NELL1: variants seen among roughly 807,000 people sequenced by gnomAD.
NELL1 encodes protein kinase C-binding protein NELL1.
In NELL1, 76 loss-of-function variants were observed where a neutral mutation model predicts 107.4. The observed-to-expected ratio is 0.71, with a 90% CI of 0.59 to 0.86. The LOEUF (loss-of-function observed/expected upper bound fraction) is 0.86. NELL1 is among the 40% of genes least tolerant of loss of function. The pLI is 0.00. For synonymous variants in NELL1, 353 were observed against 341.2 expected (o/e 1.03, Z -0.38); for missense variants, 1,024 against 1,005.5 (o/e 1.02, Z -0.25).
At chr11:20,767,067 C>T (rs1172097023) in intron 2 of NELL1, among the ~76,000 whole-genome samples, 1 of 152,102 alleles carries the variant, frequency 6.6e-6, no homozygotes, top group Non-Finnish European at 1.5e-5. Flanking sequence ...TGATCAATCA[C>T]GATAGTCTGT....
At chr11:21,243,336 A>G (rs957639059) in intron 14 of NELL1, among the ~76,000 whole-genome samples, 40 of 152,254 alleles carry the variant, frequency 2.6e-4, no homozygotes, top group African/African-American at 9.4e-4. Context: ...TTTCTGAAGC[A>G]TAGGCCGTTT....
intron 15 of NELL1, among the ~76,000 whole-genome samples, chr11:21,411,770 G>A (rs1852382818): frequency 6.6e-6 from 1 of 152,086 alleles, no homozygotes; most frequent in African/African-American, 2.4e-5. Context: ...CAGGTGAGGT[G>A]AATGATTCAG....
chr11:21,384,938 C>T (rs1040259388), intron 15 of NELL1, among the ~76,000 whole-genome samples: 3 of 149,324 alleles, frequency 2.0e-5, no homozygotes, highest in African/African-American at 7.7e-5. Context: ...TATTTTATTA[C>T]AATTTTTTAA....
At chr11:21,208,556 C>T (rs939454673) in intron 13 of NELL1, among the ~76,000 whole-genome samples, 37 of 152,010 alleles carry the variant, frequency 2.4e-4, no homozygotes, top group African/African-American at 8.7e-4. Flanking sequence ...GCTATTTCCC[C>T]TCTACCCCTC....
chr11:21,461,528 A>G (rs1853899817), intron 15 of NELL1, among the ~76,000 whole-genome samples: 1 of 152,080 alleles, frequency 6.6e-6, no homozygotes, highest in African/African-American at 2.4e-5. Context: ...TTCCCCTCCC[A>G]TTGTTGGTCG....
intron 13 of NELL1, among the ~76,000 whole-genome samples, chr11:21,168,686 C>A (rs1856537384): frequency 6.6e-6 from 1 of 151,858 alleles, no homozygotes; most frequent in African/African-American, 2.4e-5. Flanking sequence ...CTCCTAAAAT[C>A]TCTGAGTTAC....
At chr11:20,967,157 T>C (rs1383096916) in intron 12 of NELL1, among the ~76,000 whole-genome samples, 1 of 152,136 alleles carries the variant, frequency 6.6e-6, no homozygotes, top group Non-Finnish European at 1.5e-5. Context: ...TAGGCATTGA[T>C]TAGGTTTTCA....
At chr11:20,904,810 T>A (rs1219795920) in intron 5 of NELL1, among the ~76,000 whole-genome samples, 1 of 151,866 alleles carries the variant, frequency 6.6e-6, no homozygotes, top group Non-Finnish European at 1.5e-5. Flanking sequence ...AAATTTTTTT[T>A]TAAGTTTTTT....
Position 20,900,179 on chromosome 11 carries a change from C to G in NELL1, c.603+14639C>G, listed in dbSNP as rs575482752. 2.1e-4 allele frequency among the ~76,000 whole-genome samples: 32 copies of G among 152,260 alleles called. No individual in the cohort carries two copies. In the South Asian group the frequency reaches 3.3e-3, roughly 16 times the overall value. On this transcript the variant is annotated intron_variant, in intron 5 of 19. Transcript: ENST00000357134. ...AATGGCCTTAGCTGGTATGGCTCATCTCTGCTTCATGTGGCCTCTCGATTT... is the reference window on the plus strand; with the variant it reads ...AATGGCCTTAGCTGGTATGGCTCATGTCTGCTTCATGTGGCCTCTCGATTT...
rs542349627 is a variant in NELL1 at position 21,121,294 on chromosome 11, G to T, written c.1426+7580G>T. On this transcript the variant is annotated intron_variant, in intron 13 of 19. Transcript: ENST00000357134. ...TGGTGGTGAGAAATGTGGAGTTCAG[G>T]AAGTCATGAAGCAGGGACTTGGATG... Among the ~76,000 whole-genome samples the T allele has an allele frequency of 2.6e-5, 4 of 152,234 alleles. No homozygotes were observed. In the East Asian group the frequency reaches 5.8e-4, roughly 22 times the overall value.
intron 12 of NELL1, among the ~76,000 whole-genome samples, chr11:20,963,748 T>C (rs1851335610): frequency 6.6e-6 from 1 of 152,130 alleles, no homozygotes; most frequent in African/African-American, 2.4e-5. Context: ...AAGCAAGTTA[T>C]TTTTACTCTG....
At chr11:20,877,780 G>C (rs559237233) in intron 4 of NELL1, among the ~76,000 whole-genome samples, 6 of 152,142 alleles carry the variant, frequency 3.9e-5, no homozygotes, top group Non-Finnish European at 5.9e-5. Context: ...TATTAGAAAT[G>C]AGACACTTAC....
intron 12 of NELL1, among the ~76,000 whole-genome samples, chr11:21,010,205 C>G (rs1198305446): frequency 6.6e-6 from 1 of 152,072 alleles, no homozygotes; most frequent in African/African-American, 2.4e-5. Context: ...TCACTCCTCC[C>G]TATTCCTCCC....
intron 14 of NELL1, among the ~76,000 whole-genome samples, chr11:21,239,772 A>G (rs909690188): frequency 3.3e-5 from 5 of 152,048 alleles, no homozygotes; most frequent in African/African-American, 1.2e-4. Context: ...TCTTGAATCA[A>G]GTGAACCAAG....
chr11:20,700,213 T>G (rs1914979), intron 2 of NELL1, among the ~76,000 whole-genome samples: 29,114 of 152,100 alleles, frequency 0.19, 3,090 homozygotes, highest in African/African-American at 0.25. Flanking sequence ...GGGTGCAGTG[T>G]CTCATGTCTG....
At chr11:20,740,077 C>T (rs1334901636) in intron 2 of NELL1, among the ~76,000 whole-genome samples, 1 of 152,192 alleles carries the variant, frequency 6.6e-6, no homozygotes, top group Non-Finnish European at 1.5e-5. Context: ...ATTTACATTT[C>T]AGTGAGGGAA....
intron 10 of NELL1, among the ~76,000 whole-genome samples, chr11:20,944,964 C>T (rs2134195506): frequency 6.6e-6 from 1 of 151,888 alleles, no homozygotes; most frequent in Non-Finnish European, 1.5e-5. Flanking sequence ...TTTGTTTTTA[C>T]AAAAATATAT....
chr11:21,247,035 A>T (rs1456710030), intron 14 of NELL1, among the ~76,000 whole-genome samples: 1 of 152,166 alleles, frequency 6.6e-6, no homozygotes, highest in Non-Finnish European at 1.5e-5. Context: ...AACCATATCA[A>T]TATCTAAACA....
At chr11:21,518,798 T>C (rs1319789499) in intron 15 of NELL1, among the ~76,000 whole-genome samples, 1 of 152,208 alleles carries the variant, frequency 6.6e-6, no homozygotes, top group African/African-American at 2.4e-5. Flanking sequence ...ATATGTTGCC[T>C]TATGGAAATT....
Sources: allele counts gnomAD v4.1 joint callset (sites outside exome capture counted in the v4.1 genomes callset), GRCh38; gene constraint gnomAD v4.1.1; transcripts MANE v1.5; gene names NCBI Gene and HGNC (gene_info 2026-07-23, HGNC 2026-07-21).